The following CTNNA3 variants were observed in gnomAD, a reference collection of about 807,000 sequenced individuals.
The protein encoded by CTNNA3 is catenin alpha-3.
Under a neutral mutation model 95.7 loss-of-function variants are expected in CTNNA3, and 76 were observed. The ratio of observed to expected loss-of-function variants is 0.79; its 90% CI spans 0.66 to 0.96. CTNNA3 has a LOEUF of 0.96. CTNNA3 is among the 40% of genes least tolerant of loss of function. The pLI is 0.00. For synonymous variants in CTNNA3, 431 were observed against 374.4 expected (o/e 1.15, Z -1.74); for missense variants, 1,191 against 1,089.8 (o/e 1.09, Z -1.31).
rs937106883 is a variant in CTNNA3 at position 66,981,870 on chromosome 10, C to T, written c.1047+198447G>A. On this transcript the variant is annotated intron_variant, in intron 7 of 17. Transcript: ENST00000433211. ...TGCTGCTGCAGTGTTCTATAATTTT[C>T]CCACTTACTTGCTCCCAAAGTTGCA... 1.7e-4 allele frequency among the ~76,000 whole-genome samples: 26 copies of T among 152,262 alleles called. 2 individuals are homozygous for T. The South Asian group carries it at 2.7e-3, about 16-fold the overall frequency.
At chr10:66,743,192 C>T (rs1589199264) in intron 9 of CTNNA3, among the ~76,000 whole-genome samples, 1 of 152,086 alleles carries the variant, frequency 6.6e-6, no homozygotes, top group East Asian at 1.9e-4. Context: ...ATGTAAGATA[C>T]ATGTATTTTA....
intron 11 of CTNNA3, among the ~76,000 whole-genome samples, chr10:66,516,257 CTGGTAAAGAATCA>C (rs1420149082): frequency 6.6e-6 from 1 of 152,046 alleles, no homozygotes; most frequent in Non-Finnish European, 1.5e-5. Context: ...AAAAAGATCA[CTGGTAAAGAATCA>C]TGGCTAAACT....
intron 7 of CTNNA3, among the ~76,000 whole-genome samples, chr10:67,167,156 T>TCTGAGGTTTGGCTGGGCTCAG (rs1464165616): frequency 1.3e-5 from 2 of 152,054 alleles, no homozygotes; most frequent in Non-Finnish European, 2.9e-5. Context: ...TTCTTATGGT[T>TCTGAGGTTTGGCTGGGCTCAG]CTGAGGTTTG....
intron 12 of CTNNA3, among the ~76,000 whole-genome samples, chr10:66,281,920 C>G (rs2091499731): frequency 6.6e-6 from 1 of 151,792 alleles, no homozygotes; most frequent in Non-Finnish European, 1.5e-5. Context: ...TCTGTCTATT[C>G]TCTAGGCACA....
chr10:66,457,531 G>A (rs1187468017), intron 11 of CTNNA3, among the ~76,000 whole-genome samples: 1 of 151,694 alleles, frequency 6.6e-6, no homozygotes, highest in Non-Finnish European at 1.5e-5. Flanking sequence ...TAAAATTTAT[G>A]TTCACAGAAA....
intron 17 of CTNNA3, among the ~76,000 whole-genome samples, chr10:65,943,849 A>G (rs899162123): frequency 3.3e-5 from 5 of 152,218 alleles, no homozygotes; most frequent in African/African-American, 1.2e-4. Context: ...AAGTATCTAC[A>G]CATTAGGTAA....
intron 7 of CTNNA3, among the ~76,000 whole-genome samples, chr10:67,076,193 T>G (rs143271180): frequency 7.2e-5 from 11 of 152,358 alleles, no homozygotes; most frequent in South Asian, 4.1e-4. Flanking sequence ...AGCTACAATT[T>G]TTCCAGCACT....
At chr10:67,719,736 A>C (rs532336835) in intron 1 of CTNNA3, among the ~76,000 whole-genome samples, 1 of 152,114 alleles carries the variant, frequency 6.6e-6, no homozygotes, top group East Asian at 1.9e-4. Flanking sequence ...GGTCAACTTT[A>C]GAATAAGTGC....
At chr10:66,787,870 T>C (rs1004614245) in intron 7 of CTNNA3, among the ~76,000 whole-genome samples, 4 of 152,174 alleles carry the variant, frequency 2.6e-5, no homozygotes, top group South Asian at 2.1e-4. Context: ...AAACTGTAAT[T>C]AATGTTATTG....
intron 5 of CTNNA3, among the ~76,000 whole-genome samples, chr10:67,415,345 T>C (rs1022943452): frequency 2.6e-5 from 4 of 152,172 alleles, no homozygotes; most frequent in Admixed American, 2.0e-4. Flanking sequence ...ATCATTTCTA[T>C]ACACCAGCAA....
chr10:66,002,745 T>C (rs998268045), intron 15 of CTNNA3, among the ~76,000 whole-genome samples: 3 of 152,116 alleles, frequency 2.0e-5, no homozygotes, highest in African/African-American at 4.8e-5. Flanking sequence ...ATAGATCTCA[T>C]AGGAGACTTC....
At position 65,979,457 on chromosome 10, in the gene CTNNA3, T is replaced by A. The variant is rs535974466; in HGVS notation, c.2265+9235A>T. ...AATTACTTCGACTGAAACAAACTCA[T>A]ACAAGTGCATTATCCTGTACATAAA... On this transcript the variant is annotated intron_variant, in intron 16 of 17. Transcript: ENST00000433211. Among the ~76,000 whole-genome samples, 7 of 152,200 alleles carry A rather than the reference T, an allele frequency of 4.6e-5. No homozygotes were observed. In the East Asian group the frequency reaches 1.4e-3, roughly 29 times the overall value.
Position 66,928,105 on chromosome 10 carries a change from C to T in CTNNA3, c.1048-152581G>A, listed in dbSNP as rs897605590. 3.7e-6 allele frequency: 6 copies of T among 1,614,094 alleles called. No homozygotes were observed. In the South Asian group the frequency reaches 5.5e-5, roughly 15 times the overall value. On this transcript the variant is annotated intron_variant, in intron 7 of 17. Transcript: ENST00000433211. ...GCATGAGAGCAAACCCCCTTTGCCCCCGACGGTGGGAGCCACAGAGCCCGG... is the reference window on the plus strand; with the variant it reads ...GCATGAGAGCAAACCCCCTTTGCCCTCGACGGTGGGAGCCACAGAGCCCGG...
intron 12 of CTNNA3, among the ~76,000 whole-genome samples, chr10:66,332,433 C>T (rs1450218359): frequency 2.4e-5 from 2 of 84,698 alleles, no homozygotes; most frequent in East Asian, 7.1e-4. Flanking sequence ...GAGTTTTTAG[C>T]ATGAAGGGTG....
intron 15 of CTNNA3, among the ~76,000 whole-genome samples, chr10:66,006,850 C>A (rs767890028): frequency 1.3e-5 from 2 of 152,154 alleles, no homozygotes; most frequent in Non-Finnish European, 2.9e-5. Context: ...ATTCTAAGGT[C>A]CAGATGAAGA....
At chr10:66,919,745 C>T (rs1456825606) in intron 7 of CTNNA3, among the ~76,000 whole-genome samples, 2 of 152,060 alleles carry the variant, frequency 1.3e-5, no homozygotes, top group Non-Finnish European at 2.9e-5. Flanking sequence ...AAGGATATTT[C>T]AGGGAAGTGT....
chr10:66,001,611 G>T, intron 15 of CTNNA3, among the ~76,000 whole-genome samples: 1 of 151,978 alleles, frequency 6.6e-6, no homozygotes, highest in East Asian at 1.9e-4. Context: ...CACATGGTAA[G>T]GAATAGAAAA....
At chr10:67,051,514 C>T (rs1297428709) in intron 7 of CTNNA3, among the ~76,000 whole-genome samples, 1 of 148,682 alleles carries the variant, frequency 6.7e-6, no homozygotes, top group Non-Finnish European at 1.5e-5. Context: ...GGCTGGAGTG[C>T]AGTGGTGCAA....
At chr10:66,829,705 AAG>A (rs1224226140) in intron 7 of CTNNA3, among the ~76,000 whole-genome samples, 1 of 140,160 alleles carries the variant, frequency 7.1e-6, no homozygotes, top group Non-Finnish European at 1.6e-5. Flanking sequence ...AAAAAAAAAA[AAG>A]GACTAGTGCA....
Sources: gnomAD v4.1 joint callset for allele counts (sites outside exome capture counted in the v4.1 genomes callset) on GRCh38, gnomAD v4.1.1 for gene constraint, MANE v1.5 for transcripts, NCBI Gene and HGNC (gene_info 2026-07-23, HGNC 2026-07-21) for gene names.